The following AGAP3 variants were observed in gnomAD, a reference collection of about 807,000 sequenced individuals.
AGAP3 encodes arf-GAP with GTPase, ANK repeat and PH domain-containing protein 3.
AGAP3 carries 24 observed loss-of-function variants against 96.9 expected under a neutral mutation model. The ratio of observed to expected loss-of-function variants is 0.25; its 90% CI spans 0.18 to 0.35. AGAP3 has a LOEUF of 0.35. Among genes scored for constraint, AGAP3 ranks in the 10% least tolerant of loss-of-function variants. The pLI is 1.00. For synonymous variants in AGAP3, 563 were observed against 536.1 expected (o/e 1.05, Z -0.69); for missense variants, 876 against 1,254.2 (o/e 0.70, Z 4.55).
chr7:151,122,434 AGT>A (rs1330430028), intron 8 of AGAP3, among the ~76,000 whole-genome samples: 6 of 152,014 alleles, frequency 3.9e-5, no homozygotes, highest in Non-Finnish European at 8.8e-5. Flanking sequence ...TGGGCTGCCG[AGT>A]GGCGAACATA....
chr7:151,094,069 G>A (rs542377763), intron 1 of AGAP3, among the ~76,000 whole-genome samples: 34 of 151,986 alleles, frequency 2.2e-4, no homozygotes, highest in Non-Finnish European at 3.2e-4. Context: ...AGATCCTGTG[G>A]GGAGAGGTGA....
intron 9 of AGAP3, among the ~76,000 whole-genome samples, chr7:151,126,908 G>A (rs1486045273): frequency 6.6e-6 from 1 of 152,250 alleles, no homozygotes; most frequent in African/African-American, 2.4e-5. Flanking sequence ...ACATGGCCAT[G>A]TACTTCAACT....
intron 1 of AGAP3, among the ~76,000 whole-genome samples, chr7:151,107,900 C>T (rs1799122552): frequency 6.6e-6 from 1 of 152,256 alleles, no homozygotes; most frequent in Non-Finnish European, 1.5e-5. Context: ...CTGGAGCCCC[C>T]ACCGTCCCAC....
intron 3 of AGAP3, 59 bp from the exon 4 acceptor site, chr7:151,117,312 C>G: frequency 6.2e-7 from 1 of 1,608,532 alleles, no homozygotes; most frequent in Non-Finnish European, 8.5e-7. Context: ...CTGTAGATTT[C>G]TTCTTGGCCC....
At chr7:151,102,048 G>A (rs1373401564) in intron 1 of AGAP3, among the ~76,000 whole-genome samples, 1 of 152,230 alleles carries the variant, frequency 6.6e-6, no homozygotes. Context: ...TGCTTAGGCT[G>A]GGAGTGGGGC....
chr7:151,141,619 G>C lies in AGAP3; in HGVS notation c.1805-279G>C. ...CCTCTCTGGTTTCACACCCATTCCC[G>C]GCAGTGCCAGGGGTGCCAAGATCTT... On this transcript the variant is annotated intron_variant, in intron 13 of 17. Transcript: ENST00000397238. The surrounding 1 kb of genome is among the most constrained non-coding windows in gnomAD (Gnocchi z 4.2). 2.2e-6 allele frequency: 1 copy of C among 455,172 alleles called. No homozygotes were observed. The highest frequency in any genetic ancestry group is 4.1e-5 in the East Asian group (1 of 24,212). 28.2% of individuals were successfully genotyped at this position (455,172 alleles called of 1,614,324 possible).
chr7:151,122,515 C>T (rs1041100058), intron 8 of AGAP3, among the ~76,000 whole-genome samples: 3 of 151,820 alleles, frequency 2.0e-5, no homozygotes, highest in South Asian at 2.1e-4. Flanking sequence ...CCGCCGCCGC[C>T]GCCGCCTCCT....
chr7:151,139,859 C>A lies in AGAP3; in HGVS notation c.1667-120C>A. ...CCTAGAGAGAGGTGTCCGTCTGGCT[C>A]TCCTGAGTGTGGCCCAGCTACAGTT... On this transcript the variant is annotated intron_variant, in intron 12 of 17. Transcript: ENST00000397238. This position sits in a 1 kb window ranked among gnomAD's most constrained non-coding sequence, Gnocchi z 4.9. The A allele has an allele frequency of 1.0e-6, 1 of 1,001,906 alleles. No homozygotes were observed. The allele number at this position is 1,001,906 out of a possible 1,614,324, so 62.1% of individuals were successfully genotyped here.
intron 1 of AGAP3, chr7:151,089,816 G>A (rs1798313917): frequency 6.6e-6 from 1 of 152,166 alleles, no homozygotes; most frequent in Non-Finnish European, 1.5e-5. Context: ...CTTCAGCTGG[G>A]AGGGAGAGCT....
rs533594937 is a variant in AGAP3, at chr7:151,139,410, G to A, written c.1667-569G>A. 2.6e-5 allele frequency among the ~76,000 whole-genome samples: 4 copies of A among 152,322 alleles called. No homozygotes were observed. Among genetic ancestry groups the A allele is most frequent in the South Asian group, 4.1e-4 (2 of 4,822 alleles). On this transcript the variant is annotated intron_variant, in intron 12 of 17. Transcript: ENST00000397238. This position sits in a 1 kb window ranked among gnomAD's most constrained non-coding sequence, Gnocchi z 4.9. ...GGCCCTTCCCTTGGGTCACCGGTCC[G>A]GTGGCCTGTGCTGGCCTGCGTGAGG...
At chr7:151,102,868 T>C (rs949900759) in intron 1 of AGAP3, among the ~76,000 whole-genome samples, 1 of 152,106 alleles carries the variant, frequency 6.6e-6, no homozygotes, top group African/African-American at 2.4e-5. Flanking sequence ...TCCCTCGGCC[T>C]CCCAAAGTGC....
chr7:151,138,971 T>C (rs1230023829), intron 12 of AGAP3, among the ~76,000 whole-genome samples: 1 of 152,232 alleles, frequency 6.6e-6, no homozygotes, highest in Non-Finnish European at 1.5e-5. Flanking sequence ...TTTGCCCCTT[T>C]GTTCTCTTTC....
intron 8 of AGAP3, chr7:151,123,322 C>T (rs2150493789): frequency 2.9e-6 from 3 of 1,032,618 alleles, no homozygotes; most frequent in Non-Finnish European, 3.5e-6. Context: ...CCTCTCTCCT[C>T]TCTCTGTCCA....
chr7:151,126,471 A>G (rs1800182562), intron 9 of AGAP3, among the ~76,000 whole-genome samples: 1 of 128,992 alleles, frequency 7.8e-6, no homozygotes, highest in Non-Finnish European at 1.6e-5. Flanking sequence ...AGAGGGAAGC[A>G]CGCCTAGTGG....
intron 11 of AGAP3, among the ~76,000 whole-genome samples, chr7:151,135,946 G>A (rs1455300300): frequency 6.6e-6 from 1 of 152,244 alleles, no homozygotes; most frequent in Non-Finnish European, 1.5e-5. Context: ...CAGAAAGGAA[G>A]CCTGTGAGGT....
In AGAP3 at chr7:151,118,380, G is replaced by A. The variant is rs369175300; in HGVS notation, c.841+36G>A. On this transcript the variant is annotated intron_variant, in intron 6 of 17. Transcript: ENST00000397238. The surrounding 1 kb of genome is among the most constrained non-coding windows in gnomAD (Gnocchi z 6.1). ...TGCCGGGTGGGAGTCACTGGCAGCC[G>A]CGGCCCCAGTGCTGGCGATAGGAAG... 14 of 1,597,838 alleles carry A rather than the reference G, an allele frequency of 8.8e-6. No homozygotes were observed. Among genetic ancestry groups the A allele is most frequent in the East Asian group, 4.5e-5 (2 of 44,512 alleles).
At chr7:151,131,039 G>A (rs988450035) in intron 10 of AGAP3, 2 of 152,328 alleles carry the variant, frequency 1.3e-5, no homozygotes, top group Non-Finnish European at 2.9e-5. Context: ...GGCTCCGACA[G>A]AACTCTGGGC....
chr7:151,117,282 C>T (rs1211738083), intron 3 of AGAP3, 89 bp from the exon 4 acceptor site: 1 of 1,596,524 alleles, frequency 6.3e-7, no homozygotes, highest in Admixed American at 1.7e-5. Context: ...TTCCAGTCCT[C>T]TTCCCTCCCG....
chr7:151,118,268 C>T lies in AGAP3; in HGVS notation c.765C>T (p.Ser255=), dbSNP rs1799691873. 6.2e-7 allele frequency: 1 copy of T among 1,613,724 alleles called. No homozygotes were observed. Residue 255 remains serine (S), a synonymous_variant, in exon 6 of 18, where the codon TCC becomes TCT. Coordinates refer to ENST00000397238, the MANE Select transcript of AGAP3 (RefSeq NM_031946.7). The surrounding 1 kb of genome is among the most constrained non-coding windows in gnomAD (Gnocchi z 6.1). ...VIDDSRARKL[S]TDLKRCTYYE... ...ACGACAGCAGAGCCCGCAAGCTCTC[C>T]ACAGATCTGAAGCGGTGCACCTACT...
Sources: gnomAD v4.1 joint callset for allele counts (sites outside exome capture counted in the v4.1 genomes callset) on GRCh38, gnomAD v4.1.1 for gene constraint, Gnocchi (gnomAD v3.1) non-coding constraint, MANE v1.5 for transcripts, NCBI Gene and HGNC (gene_info 2026-07-23, HGNC 2026-07-21) for gene names.